Variants in THSD4 observed in about 807,000 individuals in gnomAD.
The protein encoded by THSD4 is thrombospondin type 1 domain containing 4, also known as thrombospondin type-1 domain-containing protein 4.
Under a neutral mutation model 119.0 loss-of-function variants are expected in THSD4, and 69 were observed. The observed-to-expected ratio is 0.58, with a 90% CI of 0.48 to 0.71. THSD4 has a LOEUF of 0.71. Ranked by LOEUF, THSD4 falls within the 30% of genes least tolerant of loss-of-function variation. THSD4 has a pLI of 0.00. For missense variants in THSD4, 1,393 were observed against 1,391.1 expected, an observed-to-expected ratio of 1.00 and a Z score of -0.02; for synonymous variants, 524 against 540.4, an observed-to-expected ratio of 0.97 and a Z score of 0.42.
chr15:71,111,277 G>C, upstream of THSD4: 1 of 1,613,988 alleles, frequency 6.2e-7, no homozygotes, highest in Non-Finnish European at 8.5e-7. Flanking sequence ...GGGAATCCTT[G>C]ACATTCCGTC....
At chr15:71,486,627 T>G (rs202226407) in intron 7 of THSD4, among the ~76,000 whole-genome samples, 2 of 128,268 alleles carry the variant, frequency 1.6e-5, no homozygotes, top group African/African-American at 2.9e-5. Flanking sequence ...TTTTTTTTTT[T>G]TTTTTTTTTA....
intron 6 of THSD4, among the ~76,000 whole-genome samples, chr15:71,338,467 C>T (rs1021370701): frequency 6.6e-5 from 10 of 152,004 alleles, no homozygotes; most frequent in Non-Finnish European, 1.5e-4. Flanking sequence ...GAGGTAATGC[C>T]GAGAGTATGT....
chr15:71,488,378 A>G (rs1595817869), intron 7 of THSD4, among the ~76,000 whole-genome samples: 1 of 152,230 alleles, frequency 6.6e-6, no homozygotes, highest in Admixed American at 6.5e-5. Flanking sequence ...ATAAGAATTC[A>G]TAAGACGGTT....
chr15:71,196,149 C>G (rs1036191486), intron 3 of THSD4, among the ~76,000 whole-genome samples: 1 of 152,204 alleles, frequency 6.6e-6, no homozygotes, highest in Non-Finnish European at 1.5e-5. Flanking sequence ...AGCAAGCCAG[C>G]TGAAGGTGGC....
chr15:71,302,596 G>T (rs111828493), intron 6 of THSD4, among the ~76,000 whole-genome samples: 2,469 of 152,224 alleles, frequency 0.016, 19 homozygotes, highest in African/African-American at 0.025. Context: ...GGGGTGGGGT[G>T]CTGGGGGCAG....
At chr15:71,705,057 G>C (rs577732289) in intron 8 of THSD4, among the ~76,000 whole-genome samples, 1 of 152,304 alleles carries the variant, frequency 6.6e-6, no homozygotes, top group African/African-American at 2.4e-5. Context: ...TGAAGAATGG[G>C]TAGAATTTGG....
chr15:71,315,868 C>CA (rs1173599547), intron 6 of THSD4, among the ~76,000 whole-genome samples: 8 of 151,842 alleles, frequency 5.3e-5, no homozygotes, highest in East Asian at 1.9e-4. Flanking sequence ...TTCACCAACA[C>CA]AAAAAAAATT....
At position 71,203,974 on chromosome 15, in the gene THSD4, G is replaced by A. The variant is rs1014134842; in HGVS notation, c.100-11061G>A. Among the ~76,000 whole-genome samples, 4 of 152,208 alleles carry A rather than the reference G, an allele frequency of 2.6e-5. No individual in the cohort carries two copies. The East Asian group carries it at 7.7e-4, about 29-fold the overall frequency. On this transcript the variant is annotated intron_variant, in intron 3 of 17. Coordinates refer to ENST00000261862, the MANE Select transcript of THSD4 (RefSeq NM_024817.3). ...TAGAAGATTGCTGTTCCCCGAATCAGCCTCTGGGTCCAGAAGCCAGCACTC... is the reference window on the plus strand; with the variant it reads ...TAGAAGATTGCTGTTCCCCGAATCAACCTCTGGGTCCAGAAGCCAGCACTC...
rs113220538 is a variant in THSD4 at position 71,719,936 on chromosome 15, A to G, written c.1358-8613A>G. On this transcript the variant is annotated intron_variant, in intron 8 of 17. Transcript: ENST00000261862. Reference sequence around the variant, plus strand: ...AACGATCTGCCTGCCTCGGCCTCGCAAAGTGCTGGGATTACAGGCATGAGC... The same window carrying G: ...AACGATCTGCCTGCCTCGGCCTCGCGAAGTGCTGGGATTACAGGCATGAGC... Among the ~76,000 whole-genome samples, 1,076 of 152,206 alleles carry G rather than the reference A, an allele frequency of 7.1e-3. 17 individuals are homozygous for G. Among genetic ancestry groups the G allele is most frequent in the African/African-American group, 0.024 (1,006 of 41,530 alleles).
At chr15:71,655,361 C>T (rs761719200) in intron 7 of THSD4, among the ~76,000 whole-genome samples, 5 of 152,020 alleles carry the variant, frequency 3.3e-5, no homozygotes, top group Admixed American at 6.6e-5. Flanking sequence ...TTTTGCACTT[C>T]AAAGTTTTCT....
At chr15:71,207,280 C>T (rs1380359125) in intron 3 of THSD4, among the ~76,000 whole-genome samples, 1 of 152,212 alleles carries the variant, frequency 6.6e-6, no homozygotes, top group African/African-American at 2.4e-5. Flanking sequence ...CACTTGGCCC[C>T]ATCATGTTTC....
intron 7 of THSD4, among the ~76,000 whole-genome samples, chr15:71,577,093 A>AC (rs2049462482): frequency 4.0e-5 from 1 of 24,812 alleles, no homozygotes; most frequent in African/African-American, 1.0e-4. Flanking sequence ...TGTCCTAACA[A>AC]AAAAAAAAAA....
At chr15:71,440,313 G>A (rs1157637861) in intron 7 of THSD4, among the ~76,000 whole-genome samples, 1 of 152,160 alleles carries the variant, frequency 6.6e-6, no homozygotes, top group Non-Finnish European at 1.5e-5. Flanking sequence ...TCTTGTGGAT[G>A]AAGGATTTTT....
At chr15:71,756,777 A>G (rs919022196) in intron 14 of THSD4, among the ~76,000 whole-genome samples, 3 of 152,118 alleles carry the variant, frequency 2.0e-5, no homozygotes, top group African/African-American at 7.2e-5. Context: ...CAAAGCGAGA[A>G]CCTGTCTCGA....
chr15:71,409,572 C>T (rs1566973046), intron 6 of THSD4, among the ~76,000 whole-genome samples: 3 of 152,188 alleles, frequency 2.0e-5, no homozygotes, highest in Non-Finnish European at 2.9e-5. Context: ...TCACCTCTTA[C>T]ATCTTTTGGG....
intron 8 of THSD4, among the ~76,000 whole-genome samples, chr15:71,686,184 T>C (rs2051905394): frequency 6.6e-6 from 1 of 152,208 alleles, no homozygotes; most frequent in Non-Finnish European, 1.5e-5. Flanking sequence ...CACCCATCCA[T>C]AGAACTTTCT....
intron 1 of THSD4, among the ~76,000 whole-genome samples, chr15:71,124,771 G>A (rs1023333270): frequency 3.3e-5 from 5 of 152,094 alleles, no homozygotes; most frequent in African/African-American, 7.2e-5. Context: ...GGCTAGGCAC[G>A]GTGGCTCATG....
At chr15:71,231,189 A>G (rs575186599) in intron 4 of THSD4, among the ~76,000 whole-genome samples, 3 of 152,316 alleles carry the variant, frequency 2.0e-5, no homozygotes, top group Non-Finnish European at 4.4e-5. Flanking sequence ...TTCAAACACA[A>G]TCTTAGAAGA....
chr15:71,514,740 T>G (rs2048332583), intron 7 of THSD4, among the ~76,000 whole-genome samples: 1 of 152,244 alleles, frequency 6.6e-6, no homozygotes, highest in East Asian at 1.9e-4. Context: ...ATCTTTGTTT[T>G]TGTTTTTCAG....
Sources: allele counts gnomAD v4.1 joint callset (sites outside exome capture counted in the v4.1 genomes callset), GRCh38; gene constraint gnomAD v4.1.1; transcripts MANE v1.5; gene names NCBI Gene and HGNC (gene_info 2026-07-23, HGNC 2026-07-21).